The following SH3BGRL2 variants were observed in gnomAD, a reference collection of about 807,000 sequenced individuals.
The protein encoded by SH3BGRL2 is SH3 domain-binding glutamic acid-rich-like protein 2.
Under a neutral mutation model 14.8 loss-of-function variants are expected in SH3BGRL2, and 21 were observed. The observed-to-expected ratio is 1.42, with a 90% CI of 1.01 to 2.05. SH3BGRL2 has a LOEUF of 2.05. Ranked by LOEUF, SH3BGRL2 falls within the 30% of genes most tolerant of loss-of-function variation. The pLI, the probability that SH3BGRL2 is intolerant of heterozygous loss-of-function variation, is 0.00. For missense variants in SH3BGRL2, 147 were observed against 130.8 expected, an observed-to-expected ratio of 1.12 and a Z score of -0.61; for synonymous variants, 50 against 47.8, an observed-to-expected ratio of 1.05 and a Z score of -0.19.
intron 1 of SH3BGRL2, among the ~76,000 whole-genome samples, chr6:79,663,195 C>T (rs528890901): frequency 7.2e-5 from 11 of 152,238 alleles, no homozygotes; most frequent in East Asian, 5.8e-4. Flanking sequence ...CCATTGCTGG[C>T]GAGGGACTGC....
chr6:79,665,186 C>T (rs1397877746), intron 1 of SH3BGRL2, among the ~76,000 whole-genome samples: 7 of 152,148 alleles, frequency 4.6e-5, no homozygotes, highest in East Asian at 1.9e-4. Flanking sequence ...GGCAACAGAG[C>T]GAGACTCCGT....
At chr6:79,659,319 G>A (rs920622018) in intron 1 of SH3BGRL2, among the ~76,000 whole-genome samples, 2 of 152,140 alleles carry the variant, frequency 1.3e-5, no homozygotes, top group African/African-American at 4.8e-5. Flanking sequence ...TTTGTATAAG[G>A]TGTAAAGAAG....
chr6:79,625,237 CAT>C, the SH3BGRL2 span, among the ~76,000 whole-genome samples: 5 of 150,310 alleles, frequency 3.3e-5, no homozygotes, highest in African/African-American at 7.4e-5. Flanking sequence ...TATATATACA[CAT>C]ATATATATAC....
At chr6:79,604,848 A>G in the SH3BGRL2 span, among the ~76,000 whole-genome samples, 49 of 152,316 alleles carry the variant, frequency 3.2e-4, no homozygotes, top group African/African-American at 1.1e-3. Flanking sequence ...AGATGCCATA[A>G]TAGGATGTGC....
intron 2 of SH3BGRL2, among the ~76,000 whole-genome samples, chr6:79,675,501 G>A (rs980571476): frequency 6.6e-6 from 1 of 152,022 alleles, no homozygotes; most frequent in African/African-American, 2.4e-5. Flanking sequence ...TTCTGTGATT[G>A]CTGATTACAT....
chr6:79,679,669 A>G (rs1036986666), intron 2 of SH3BGRL2, among the ~76,000 whole-genome samples: 1 of 152,082 alleles, frequency 6.6e-6, no homozygotes, highest in African/African-American at 2.4e-5. Context: ...TTCTATAGCA[A>G]TTGTACCATT....
chr6:79,548,287 A>G, the SH3BGRL2 span, among the ~76,000 whole-genome samples: 3,887 of 152,300 alleles, frequency 0.026, 60 homozygotes, highest in Middle Eastern at 0.075. Flanking sequence ...ATATATGCCA[A>G]ATTTTTAAAT....
At chr6:79,541,184 C>T in the SH3BGRL2 span, among the ~76,000 whole-genome samples, 1 of 151,922 alleles carries the variant, frequency 6.6e-6, no homozygotes, top group African/African-American at 2.4e-5. Context: ...ACCTGGGAGG[C>T]AAAGGTTGCA....
At chr6:79,668,432 C>T (rs756755217) in intron 1 of SH3BGRL2, among the ~76,000 whole-genome samples, 1 of 152,068 alleles carries the variant, frequency 6.6e-6, no homozygotes, top group Non-Finnish European at 1.5e-5. Context: ...AGCTTACTCC[C>T]CAGGGCCCTG....
chr6:79,547,649 T>C, the SH3BGRL2 span, among the ~76,000 whole-genome samples: 5 of 152,138 alleles, frequency 3.3e-5, no homozygotes. Flanking sequence ...AGAGGTTGAA[T>C]CAGAAATGAG....
the SH3BGRL2 span, chr6:79,574,673 G>C: frequency 6.6e-6 from 1 of 152,154 alleles, no homozygotes; most frequent in Non-Finnish European, 1.5e-5. Context: ...ACTTAAAAAT[G>C]ACTAAAATGG....
At chr6:79,551,467 CAT>C in the SH3BGRL2 span, among the ~76,000 whole-genome samples, 1 of 152,040 alleles carries the variant, frequency 6.6e-6, no homozygotes, top group Non-Finnish European at 1.5e-5. Context: ...TTTAAAATAA[CAT>C]AATTTTTATA....
chr6:79,647,573 A>G (rs1021304349), intron 1 of SH3BGRL2, among the ~76,000 whole-genome samples: 3 of 152,096 alleles, frequency 2.0e-5, no homozygotes, highest in African/African-American at 7.2e-5. Context: ...AGCAAAGATG[A>G]TCATAGAAAA....
At chr6:79,551,223 C>T in the SH3BGRL2 span, among the ~76,000 whole-genome samples, 254 of 152,254 alleles carry the variant, frequency 1.7e-3, 3 homozygotes, top group East Asian at 0.044. Flanking sequence ...GCTGCAAGGA[C>T]GTTCTAAACA....
intron 3 of SH3BGRL2, among the ~76,000 whole-genome samples, chr6:79,698,832 A>C (rs1236653087): frequency 6.6e-6 from 1 of 152,170 alleles, no homozygotes; most frequent in Non-Finnish European, 1.5e-5. Flanking sequence ...AATTCTGAGA[A>C]AGGGAGGCCA....
chr6:79,562,702 G>A, the SH3BGRL2 span, among the ~76,000 whole-genome samples: 1 of 152,188 alleles, frequency 6.6e-6, no homozygotes. Context: ...TCTGTACTGG[G>A]ATGTCTGATC....
rs1562146733 is a variant in SH3BGRL2, at chr6:79,648,276, AT to A, written c.45+16771del. Among the ~76,000 whole-genome samples the A allele has an allele frequency of 9.0e-3, 1,176 of 131,200 alleles. 47 individuals are homozygous for A. The highest frequency in any genetic ancestry group is 0.031 in the African/African-American group (1,110 of 35,434). 86.1% of individuals were successfully genotyped at this position (131,200 alleles called of 152,430 possible). On this transcript the variant is annotated intron_variant, in intron 1 of 3. Transcript: ENST00000369838. ...TTGGCATATATATATATATATATAT[AT>A]ATATATTTGACATATATTATATATA...
chr6:79,583,645 C>T, the SH3BGRL2 span, among the ~76,000 whole-genome samples: 1 of 151,790 alleles, frequency 6.6e-6, no homozygotes, highest in Non-Finnish European at 1.5e-5. Context: ...GTGGGGAGCT[C>T]GGGGAGGGGT....
the SH3BGRL2 span, among the ~76,000 whole-genome samples, chr6:79,613,756 G>A: frequency 6.6e-6 from 1 of 151,940 alleles, no homozygotes; most frequent in Non-Finnish European, 1.5e-5. Context: ...ACAGGTGCCC[G>A]CCACCATGCC....
Sources: gnomAD v4.1 joint callset for allele counts (sites outside exome capture counted in the v4.1 genomes callset) on GRCh38, gnomAD v4.1.1 for gene constraint, MANE v1.5 for transcripts, NCBI Gene and HGNC (gene_info 2026-07-23, HGNC 2026-07-21) for gene names.